TEX46: variants seen among roughly 807,000 people sequenced by gnomAD.
TEX46 encodes the protein testis-expressed protein 46.
TEX46 carries 6 observed loss-of-function variants against 5.3 expected under a neutral mutation model. That is an observed-to-expected ratio of 1.13 (90% CI 0.62 to 2.23). The LOEUF is 2.23. Ranked by LOEUF, TEX46 falls within the 30% of genes most tolerant of loss-of-function variation. The probability of loss-of-function intolerance (pLI) is 0.00; values close to 1 mark genes in which losing one functional copy is unlikely to be tolerated. For synonymous variants in TEX46, 41 were observed against 54.6 expected, an observed-to-expected ratio of 0.75 and a Z score of 1.10; for missense variants, 131 against 150.9, an observed-to-expected ratio of 0.87 and a Z score of 0.69.
In TEX46 at chr1:23,013,977, T is replaced by A. The variant is rs974262210; in HGVS notation, c.71A>T (p.Lys24Met). The A allele has an allele frequency of 2.0e-6, 3 of 1,536,076 alleles. No homozygotes were observed. The East Asian group carries it at 7.3e-5, about 38-fold the overall frequency. Residue 24 changes from lysine (K) to methionine (M), a missense_variant, in exon 2 of 3, where the codon AAG (lysine) becomes ATG (methionine). Physicochemically the swap from Lys to Met is moderately conservative, Grantham distance 95 (BLOSUM62 -1). Transcript: ENST00000566855. ...GAATAGGAACCCAAACAAGGCTGGC[T>A]TATAGCTCATCAGCCAAGCTGCCAC... The part of the protein sequence containing the change: ...GAVAAWLMSY[K>M]PALFGFLFLL...
chr1:23,014,228 C>T, intron 1 of TEX46, 183 bp from the exon 2 acceptor site: 1 of 1,131,334 alleles, frequency 8.8e-7, no homozygotes. Flanking sequence ...TCTGAAGCAC[C>T]CACTATGTGC....
intron 2 of TEX46, among the ~76,000 whole-genome samples, chr1:23,012,778 A>G (rs559951119): frequency 1.3e-5 from 2 of 152,264 alleles, no homozygotes; most frequent in East Asian, 3.9e-4. Flanking sequence ...ATCTGGCCCA[A>G]TATGTCAATA....
Position 23,013,921 on chromosome 1 carries a change from T to C in TEX46, c.127A>G (p.Lys43Glu). Residue 43 changes from lysine to glutamate, a missense_variant, in exon 2 of 3, where the codon AAG (lysine) becomes GAG (glutamate). Coordinates refer to ENST00000566855, the MANE Select transcript of TEX46 (RefSeq NM_001242521.2). Reference protein sequence around the residue: ...LLLLLSNWLVKYEHKLTLPEP... With the variant: ...LLLLLSNWLVEYEHKLTLPEP... ...GGGAGGGTGAGCTTGTGTTCATACT[T>C]GACCAACCAGTTGCTAAGCAACAGC... 2.0e-6 allele frequency: 3 copies of C among 1,536,132 alleles called. No homozygotes were observed. In the African/African-American group the frequency reaches 4.1e-5, roughly 21 times the overall value.
Position 23,015,781 on chromosome 1 carries a change from C to T in TEX46, c.-8G>A. The stretch of plus-strand genomic sequence containing the variant: ...GTATGATTCCACTTACATGAGCTAT[C>T]TACAATAGTCAAATTCATAGAGGCA... On this transcript the variant is annotated 5_prime_UTR_variant, in exon 1 of 3. Coordinates refer to ENST00000566855, the MANE Select transcript of TEX46 (RefSeq NM_001242521.2). The T allele has an allele frequency of 1.4e-6, 1 of 697,016 alleles. No homozygotes were observed. Among genetic ancestry groups the T allele is most frequent in the South Asian group, 1.5e-5 (1 of 66,706 alleles). The allele number at this position is 697,016 out of a possible 1,614,324, so 43.2% of individuals were successfully genotyped here.
chr1:23,012,468 T>C (rs920440197), intron 2 of TEX46, among the ~76,000 whole-genome samples: 1 of 151,856 alleles, frequency 6.6e-6, no homozygotes, highest in Admixed American at 6.6e-5. Context: ...TAAAATATCA[T>C]AAATATAACT....
chr1:23,011,145 T>C, intron 2 of TEX46, 44 bp from the exon 3 acceptor site: 1 of 1,462,808 alleles, frequency 6.8e-7, no homozygotes, highest in Non-Finnish European at 9.3e-7. Context: ...TTCTTTTGTG[T>C]TCACGGCCTT....
At chr1:23,015,188 G>A (rs1018393195) in intron 1 of TEX46, among the ~76,000 whole-genome samples, 9 of 148,564 alleles carry the variant, frequency 6.1e-5, no homozygotes, top group African/African-American at 2.0e-4. Flanking sequence ...GGTGGCTCAC[G>A]CCTGTAATCC....
At chr1:23,013,565 G>A (rs766904952) in intron 2 of TEX46, among the ~76,000 whole-genome samples, 3 of 152,076 alleles carry the variant, frequency 2.0e-5, no homozygotes, top group Admixed American at 6.6e-5. Context: ...ATCTATGTTC[G>A]TCCATGTTAA....
intron 2 of TEX46, among the ~76,000 whole-genome samples, chr1:23,011,494 A>G (rs1641351055): frequency 6.6e-6 from 1 of 151,708 alleles, no homozygotes; most frequent in South Asian, 2.1e-4. Context: ...CCGGGTTCAA[A>G]CGATTCTTCT....
At chr1:23,012,295 G>A (rs951151648) in intron 2 of TEX46, among the ~76,000 whole-genome samples, 1 of 151,752 alleles carries the variant, frequency 6.6e-6, no homozygotes, top group Non-Finnish European at 1.5e-5. Context: ...AGTGAGCCAT[G>A]GTTGTGCCAC....
intron 2 of TEX46, among the ~76,000 whole-genome samples, chr1:23,011,392 CT>C (rs35145511): frequency 0.015 from 1,948 of 133,212 alleles, 21 homozygotes; most frequent in Non-Finnish European, 0.02. Context: ...AAGTCACTTT[CT>C]TTTTTTTTTT....
At chr1:23,014,128 AAG>A in intron 1 of TEX46, 83 bp from the exon 2 acceptor site, 1 of 1,464,386 alleles carries the variant, frequency 6.8e-7, no homozygotes, top group Non-Finnish European at 9.0e-7. Flanking sequence ...CCTCCATGAC[AAG>A]AGTCACGGCC....
At chr1:23,012,088 G>A (rs1037697461) in intron 2 of TEX46, among the ~76,000 whole-genome samples, 4 of 151,794 alleles carry the variant, frequency 2.6e-5, no homozygotes, top group African/African-American at 7.3e-5. Flanking sequence ...GGTGGCTCAT[G>A]GCTGTAATCC....
At chr1:23,012,115 C>T (rs1265565969) in intron 2 of TEX46, among the ~76,000 whole-genome samples, 3 of 151,890 alleles carry the variant, frequency 2.0e-5, no homozygotes, top group East Asian at 1.9e-4. Flanking sequence ...CTTCGAAGGC[C>T]GAGGCAGGAG....
chr1:23,011,726 G>A (rs967579833), intron 2 of TEX46, among the ~76,000 whole-genome samples: 4 of 152,174 alleles, frequency 2.6e-5, no homozygotes, highest in Non-Finnish European at 5.9e-5. Flanking sequence ...GGCCCAGCTT[G>A]GGAGGTCACT....
In TEX46 at chr1:23,010,952, A is replaced by C; in HGVS notation, c.315T>G (p.His105Gln). 2.0e-6 allele frequency: 3 copies of C among 1,535,148 alleles called. No homozygotes were observed. The highest frequency in any genetic ancestry group is 2.6e-6 in the Non-Finnish European group (3 of 1,146,076). Residue 105 changes from histidine to glutamine, a missense_variant, in exon 3 of 3, where the codon CAT (histidine) becomes CAG (glutamine). Physicochemically the swap from His to Gln is conservative, Grantham distance 24 (BLOSUM62 0). Transcript: ENST00000566855. ...CAGACAGGGTGGGGCAAATTGACTC[A>C]TGCCTCCTCATTCTGTGTTTTTTCA... ...FPMKKHRMRRHESICPTLSDC... is the reference protein window; with the variant it reads ...FPMKKHRMRRQESICPTLSDC...
chr1:23,011,707 G>A (rs1390519389), intron 2 of TEX46, among the ~76,000 whole-genome samples: 1 of 152,216 alleles, frequency 6.6e-6, no homozygotes, highest in Non-Finnish European at 1.5e-5. Flanking sequence ...TTACAGGCGT[G>A]AGCCACCAGG....
chr1:23,014,081 G>A (rs528087534), intron 1 of TEX46, 36 bp from the exon 2 acceptor site: 132 of 1,527,690 alleles, frequency 8.6e-5, no homozygotes, highest in South Asian at 6.3e-4. Context: ...GCATTATGGC[G>A]TGGAGGCACA....
In TEX46 at chr1:23,010,952, A is replaced by T. The variant is rs1418804122; in HGVS notation, c.315T>A (p.His105Gln). 1 of 1,535,030 alleles carries T rather than the reference A, an allele frequency of 6.5e-7. No individual in the cohort carries two copies. The highest frequency in any genetic ancestry group is 1.2e-5 in the South Asian group (1 of 84,048). Residue 105 changes from histidine (H) to glutamine (Q), a missense_variant, in exon 3 of 3, where the codon CAT (histidine) becomes CAA (glutamine). His to Gln is a conservative substitution (Grantham distance 24). Coordinates refer to ENST00000566855, the MANE Select transcript of TEX46 (RefSeq NM_001242521.2). ...FPMKKHRMRRHESICPTLSDC... is the reference protein window; with the variant it reads ...FPMKKHRMRRQESICPTLSDC... ...CAGACAGGGTGGGGCAAATTGACTC[A>T]TGCCTCCTCATTCTGTGTTTTTTCA...
Sources: allele counts gnomAD v4.1 joint callset (sites outside exome capture counted in the v4.1 genomes callset), GRCh38; gene constraint gnomAD v4.1.1; transcripts MANE v1.5; gene names NCBI Gene and HGNC (gene_info 2026-07-23, HGNC 2026-07-21).